ARPP19: variants seen among roughly 807,000 people sequenced by gnomAD.
The protein encoded by ARPP19 is cAMP regulated phosphoprotein 19.
ARPP19 carries 8 observed loss-of-function variants against 12.0 expected under a neutral mutation model. The observed-to-expected ratio is 0.67, with a 90% confidence interval of 0.39 to 1.21. ARPP19 has a LOEUF of 1.21. Among genes scored for constraint, ARPP19 ranks in the 50% most tolerant of loss-of-function variants. The pLI, the probability that ARPP19 is intolerant of heterozygous loss-of-function variation, is 0.01. For synonymous variants in ARPP19, 47 were observed against 50.4 expected (o/e 0.93, Z 0.29); for missense variants, 102 against 136.3 (o/e 0.75, Z 1.25).
chr15:52,557,042 T>G, intron 2 of ARPP19, 58 bp downstream of exon 2: 1 of 1,573,006 alleles, frequency 6.4e-7, no homozygotes, highest in Non-Finnish European at 8.7e-7. Flanking sequence ...TTTCACAATC[T>G]GTCAGCATAC....
intron 1 of ARPP19, among the ~76,000 whole-genome samples, chr15:52,562,118 C>T (rs974593032): frequency 3.3e-5 from 5 of 151,950 alleles, no homozygotes; most frequent in African/African-American, 1.2e-4. Flanking sequence ...ACTGACAGAA[C>T]TATAGGGAGC....
chr15:52,557,753 T>A (rs2077994603), intron 1 of ARPP19: 1 of 151,952 alleles, frequency 6.6e-6, no homozygotes, highest in Non-Finnish European at 1.5e-5. Context: ...TTTTTATTAT[T>A]TTAAATAATA....
intron 1 of ARPP19, among the ~76,000 whole-genome samples, chr15:52,564,584 C>T (rs1309169399): frequency 6.6e-6 from 1 of 152,150 alleles, no homozygotes; most frequent in East Asian, 1.9e-4. Flanking sequence ...TTCTTTTCCT[C>T]TTCTACCACT....
At chr15:52,566,149 C>T (rs568764090) in intron 1 of ARPP19, among the ~76,000 whole-genome samples, 12 of 150,800 alleles carry the variant, frequency 8.0e-5, no homozygotes, top group East Asian at 3.9e-4. Context: ...CCACCGTGCC[C>T]GGCCAAATTT....
intron 1 of ARPP19, among the ~76,000 whole-genome samples, chr15:52,563,515 G>T (rs541896468): frequency 1.3e-5 from 2 of 152,188 alleles, no homozygotes; most frequent in East Asian, 1.9e-4. Context: ...TTTGTGAATT[G>T]TACCACTGAA....
chr15:52,566,075 C>T (rs1232058118), intron 1 of ARPP19, among the ~76,000 whole-genome samples: 4 of 151,868 alleles, frequency 2.6e-5, no homozygotes, highest in South Asian at 2.1e-4. Flanking sequence ...AGGCTGGTAT[C>T]GAACTCCTGA....
intron 1 of ARPP19, chr15:52,564,080 G>T: frequency 1.4e-6 from 1 of 700,626 alleles, no homozygotes; most frequent in Non-Finnish European, 2.4e-6. Flanking sequence ...TGGATTAGAA[G>T]TTAAGTATTC....
rs2077933674 is a variant in ARPP19 at position 52,551,768 on chromosome 15, C to CA, written c.*165dup. ...TTCACCAGTGCACTGTTAAACTAAT[C>CA]AAAAACTCTACACACGTATATTCCA... On this transcript the variant is annotated 3_prime_UTR_variant, in exon 3 of 3. Coordinates refer to ENST00000249822, the MANE Select transcript of ARPP19 (RefSeq NM_006628.6). The CA allele has an allele frequency of 1.6e-6, 1 of 606,206 alleles. No individual in the cohort carries two copies. Among genetic ancestry groups the CA allele is most frequent in the South Asian group, 2.1e-5 (1 of 48,276 alleles). 37.6% of individuals were successfully genotyped at this position (606,206 alleles called of 1,614,324 possible). A position where few individuals can be genotyped will look rare whatever the true frequency, so the allele number is the denominator to read the frequency against.
chr15:52,549,355 GAAC>G lies in ARPP19; in HGVS notation c.*2576_*2578del, dbSNP rs1452333703. Reference sequence around the variant, plus strand: ...CTTCAATAAACTGAGCTTTGAGGCAGAACAAAAAAAAAACAAAAATCTAAAACC... The same window carrying G: ...CTTCAATAAACTGAGCTTTGAGGCAGAAAAAAAAAACAAAAATCTAAAACC... On this transcript the variant is annotated 3_prime_UTR_variant, in exon 3 of 3. Transcript: ENST00000249822. 2 of 150,088 alleles carry G rather than the reference GAAC, an allele frequency of 1.3e-5. No homozygotes were observed. The highest frequency in any genetic ancestry group is 2.5e-5 in the African/African-American group (1 of 40,718). The allele number at this position is 150,088 out of a possible 1,614,324, so 9.3% of individuals were successfully genotyped here. A position where few individuals can be genotyped will look rare whatever the true frequency, so the allele number is the denominator to read the frequency against.
chr15:52,562,515 A>C (rs2078043633), intron 1 of ARPP19, among the ~76,000 whole-genome samples: 1 of 152,142 alleles, frequency 6.6e-6, no homozygotes, highest in South Asian at 2.1e-4. Context: ...AAAAAATTTA[A>C]AAATTAGATA....
intron 2 of ARPP19, among the ~76,000 whole-genome samples, chr15:52,555,436 T>C (rs1435978791): frequency 6.6e-6 from 1 of 151,992 alleles, no homozygotes; most frequent in Admixed American, 6.6e-5. Flanking sequence ...ACAGTTGTCA[T>C]TCTACTTCTT....
chr15:52,562,197 G>A (rs184950460), intron 1 of ARPP19, among the ~76,000 whole-genome samples: 89 of 152,196 alleles, frequency 5.8e-4, no homozygotes, highest in African/African-American at 2.1e-3. Context: ...AAAAGATAAA[G>A]TAGTTAAGAT....
intron 1 of ARPP19, chr15:52,564,167 T>C: frequency 6.6e-7 from 1 of 1,509,486 alleles, no homozygotes; most frequent in Non-Finnish European, 8.9e-7. Flanking sequence ...AGAGAAACAT[T>C]TAAAAACTTT....
At chr15:52,567,325 G>T (rs28545341) in intron 1 of ARPP19, among the ~76,000 whole-genome samples, 8,013 of 152,228 alleles carry the variant, frequency 0.053, 537 homozygotes, top group African/African-American at 0.15. Flanking sequence ...GATACATTAG[G>T]CTTTTCCAAG....
At position 52,549,163 on chromosome 15, in the gene ARPP19, T is replaced by C. The variant is rs1237609229; in HGVS notation, c.*2771A>G. 4 of 152,272 alleles carry C rather than the reference T, an allele frequency of 2.6e-5. No homozygotes were observed. Among genetic ancestry groups the C allele is most frequent in the African/African-American group, 9.6e-5 (4 of 41,482 alleles). The allele number at this position is 152,272 out of a possible 1,614,324, so 9.4% of individuals were successfully genotyped here. On this transcript the variant is annotated 3_prime_UTR_variant, in exon 3 of 3. Transcript: ENST00000249822. ...AATTTATTTCAGACTTTAGTTTTCATGAAGTATTTATCAACAACTTCAATT... is the reference window on the plus strand; with the variant it reads ...AATTTATTTCAGACTTTAGTTTTCACGAAGTATTTATCAACAACTTCAATT...
intron 1 of ARPP19, 33 bp downstream of exon 1, chr15:52,568,815 G>T: frequency 2.0e-6 from 3 of 1,531,300 alleles, no homozygotes; most frequent in Non-Finnish European, 2.6e-6. Flanking sequence ...CCGGCCTTGG[G>T]CAGGGCCCAG....
chr15:52,566,270 T>C (rs530864785), intron 1 of ARPP19, among the ~76,000 whole-genome samples: 3 of 152,322 alleles, frequency 2.0e-5, no homozygotes, highest in African/African-American at 4.8e-5. Flanking sequence ...GCAATTCTTA[T>C]GCCTCAGTCT....
chr15:52,564,239 T>A (rs2078060920), intron 1 of ARPP19: 1 of 1,534,008 alleles, frequency 6.5e-7, no homozygotes, highest in Non-Finnish European at 8.7e-7. Flanking sequence ...GAGCATGTTG[T>A]GTTCACTCTG....
chr15:52,553,509 A>G (rs971629117), intron 2 of ARPP19, among the ~76,000 whole-genome samples: 5 of 152,138 alleles, frequency 3.3e-5, no homozygotes, highest in African/African-American at 1.2e-4. Context: ...TGCCTGCTAT[A>G]TGTGAGGCAC....
Sources: gnomAD v4.1 joint callset for allele counts (sites outside exome capture counted in the v4.1 genomes callset) on GRCh38, gnomAD v4.1.1 for gene constraint, MANE v1.5 for transcripts, NCBI Gene and HGNC (gene_info 2026-07-23, HGNC 2026-07-21) for gene names.